The following SAMD5 variants were observed in gnomAD, a reference collection of about 807,000 sequenced individuals.
SAMD5 encodes the protein sterile alpha motif domain containing 5, also known as sterile alpha motif domain-containing protein 5.
Under a neutral mutation model 11.3 loss-of-function variants are expected in SAMD5, and 13 were observed. The ratio of observed to expected loss-of-function variants is 1.15; its 90% confidence interval spans 0.75 to 1.83. The LOEUF (loss-of-function observed/expected upper bound fraction) is 1.83. SAMD5 is among the 40% of genes most tolerant of loss of function. The pLI, the probability that SAMD5 is intolerant of heterozygous loss-of-function variation, is 0.00. For synonymous variants in SAMD5, 129 were observed against 111.3 expected (o/e 1.16, Z -1.00); for missense variants, 255 against 239.1 (o/e 1.07, Z -0.44).
the SAMD5 span, among the ~76,000 whole-genome samples, chr6:147,917,550 T>C: frequency 1.3e-5 from 2 of 152,104 alleles, no homozygotes; most frequent in Admixed American, 1.3e-4. Flanking sequence ...GTGCAGAAGC[T>C]CTTTAGTTTA....
chr6:147,808,593 A>T, the SAMD5 span, among the ~76,000 whole-genome samples: 1 of 152,224 alleles, frequency 6.6e-6, no homozygotes, highest in Non-Finnish European at 1.5e-5. Flanking sequence ...CCAAGGAATT[A>T]TAAGAATTAA....
At chr6:147,836,542 G>T in the SAMD5 span, among the ~76,000 whole-genome samples, 2 of 151,990 alleles carry the variant, frequency 1.3e-5, no homozygotes, top group Non-Finnish European at 1.5e-5. Context: ...CTAATACAAA[G>T]CCTATTTTAT....
intron 1 of SAMD5, among the ~76,000 whole-genome samples, chr6:147,670,635 C>A: frequency 6.6e-6 from 1 of 152,214 alleles, no homozygotes; most frequent in Non-Finnish European, 1.5e-5. Context: ...TCTTAAACTT[C>A]ATGAACCAAC....
the SAMD5 span, among the ~76,000 whole-genome samples, chr6:147,868,439 C>G: frequency 1.3e-5 from 2 of 152,102 alleles, no homozygotes; most frequent in African/African-American, 4.8e-5. Context: ...TTTGTGTAGT[C>G]TGGAAATTGT....
At chr6:147,856,723 C>A in the SAMD5 span, among the ~76,000 whole-genome samples, 1 of 151,732 alleles carries the variant, frequency 6.6e-6, no homozygotes, top group African/African-American at 2.4e-5. Flanking sequence ...AACCCATCTT[C>A]CTCCTTTTAA....
At chr6:147,657,225 G>C (rs1243070076) in intron 1 of SAMD5, among the ~76,000 whole-genome samples, 1 of 151,994 alleles carries the variant, frequency 6.6e-6, no homozygotes, top group Non-Finnish European at 1.5e-5. Context: ...TGTGCTAGAG[G>C]GTAGAAAATG....
chr6:147,718,184 T>C (rs1791494426), intron 1 of SAMD5, among the ~76,000 whole-genome samples: 1 of 152,186 alleles, frequency 6.6e-6, no homozygotes, highest in South Asian at 2.1e-4. Context: ...CACCAGGGTA[T>C]CGTTTAGTAC....
chr6:147,606,963 C>CAAAAAA (rs11377845), intron 1 of SAMD5, among the ~76,000 whole-genome samples: 1 of 131,358 alleles, frequency 7.6e-6, no homozygotes, highest in African/African-American at 3.0e-5. Flanking sequence ...CAGCTTTATC[C>CAAAAAA]AAAAAAAAAA....
At chr6:147,621,679 G>A (rs1425503316) in intron 1 of SAMD5, among the ~76,000 whole-genome samples, 1 of 152,216 alleles carries the variant, frequency 6.6e-6, no homozygotes, top group African/African-American at 2.4e-5. Flanking sequence ...CTCTGCCAAA[G>A]GAGAGCTGCC....
the SAMD5 span, among the ~76,000 whole-genome samples, chr6:147,842,037 C>T: frequency 1.2e-4 from 19 of 152,230 alleles, no homozygotes; most frequent in Admixed American, 2.0e-4. Context: ...CAACCTTGTG[C>T]TCCTAAATGC....
chr6:147,544,162 G>A (rs1221917322), intron 1 of SAMD5, among the ~76,000 whole-genome samples: 1 of 152,116 alleles, frequency 6.6e-6, no homozygotes, highest in African/African-American at 2.4e-5. Flanking sequence ...TTAGTGAGCT[G>A]ACTTGCATTG....
chr6:147,563,383 A>T lies in SAMD5; in HGVS notation c.460-1011A>T, dbSNP rs2128444427. 2.0e-5 allele frequency among the ~76,000 whole-genome samples: 3 copies of T among 152,338 alleles called. No individual in the cohort carries two copies. In the South Asian group the frequency reaches 6.2e-4, roughly 32 times the overall value. On this transcript the variant is annotated intron_variant, in intron 1 of 1. Coordinates refer to ENST00000367474, the MANE Select transcript of SAMD5 (RefSeq NM_001030060.3). ...CTTACAAGGCTTGGAGAGGTTGCAG[A>T]GATAGAGACTAGGAAAACAAAACAA...
intron 1 of SAMD5, among the ~76,000 whole-genome samples, chr6:147,657,456 A>G (rs1790587247): frequency 6.6e-6 from 1 of 152,156 alleles, no homozygotes; most frequent in South Asian, 2.1e-4. Context: ...CAAACATGAG[A>G]GAGAGCGAGA....
chr6:147,571,076 T>G (rs1789131282), downstream of SAMD5, among the ~76,000 whole-genome samples: 1 of 152,196 alleles, frequency 6.6e-6, no homozygotes, highest in East Asian at 1.9e-4. Context: ...GTTCATAAAC[T>G]AAAGCTCCAA....
the SAMD5 span, among the ~76,000 whole-genome samples, chr6:147,893,081 A>G: frequency 6.6e-6 from 1 of 151,922 alleles, no homozygotes; most frequent in Non-Finnish European, 1.5e-5. Flanking sequence ...GGGCATGGTA[A>G]CACATGCCTG....
chr6:147,613,807 TG>T (rs1789824420), intron 1 of SAMD5, among the ~76,000 whole-genome samples: 1 of 151,460 alleles, frequency 6.6e-6, no homozygotes, highest in African/African-American at 2.4e-5. Flanking sequence ...GGAAGGAAAA[TG>T]GTGAGAATGC....
chr6:147,602,881 A>G (rs1307694263), intron 1 of SAMD5, among the ~76,000 whole-genome samples: 1 of 152,226 alleles, frequency 6.6e-6, no homozygotes, highest in Non-Finnish European at 1.5e-5. Context: ...CAATAATGCT[A>G]AAATGAAATG....
intron 1 of SAMD5, among the ~76,000 whole-genome samples, chr6:147,652,322 G>A (rs1583125072): frequency 6.6e-6 from 1 of 151,964 alleles, no homozygotes; most frequent in East Asian, 1.9e-4. Context: ...TTTAGAAAGT[G>A]ACTTTTGAAA....
the SAMD5 span, among the ~76,000 whole-genome samples, chr6:147,800,542 C>T: frequency 5.3e-5 from 8 of 152,252 alleles, no homozygotes; most frequent in African/African-American, 1.9e-4. Flanking sequence ...GCCCTGCCCG[C>T]AGAGGTGGAG....
Sources: gnomAD v4.1 joint callset for allele counts (sites outside exome capture counted in the v4.1 genomes callset) on GRCh38, gnomAD v4.1.1 for gene constraint, MANE v1.5 for transcripts, NCBI Gene and HGNC (gene_info 2026-07-23, HGNC 2026-07-21) for gene names.